SH3KBP1: variants seen among roughly 807,000 people sequenced by gnomAD.
SH3KBP1 encodes SH3 domain containing kinase binding protein 1.
SH3KBP1 carries 8 observed loss-of-function variants against 50.1 expected under a neutral mutation model. That is an observed-to-expected ratio of 0.16 (90% CI 0.09 to 0.29). The LOEUF is 0.29. SH3KBP1 is among the 10% of genes least tolerant of loss of function. The probability of loss-of-function intolerance (pLI) is 1.00; values close to 1 mark genes in which losing one functional copy is unlikely to be tolerated. For missense variants in SH3KBP1, 377 were observed against 535.2 expected (o/e 0.70, Z 2.92); for synonymous variants, 227 against 218.6 (o/e 1.04, Z -0.34).
At chrX:19,775,227 CTCA>C (rs1293653279) in intron 2 of SH3KBP1, among the ~76,000 whole-genome samples, 1 of 111,673 alleles carries the variant, frequency 9.0e-6, no homozygotes. Context: ...TTCCATCAGC[CTCA>C]CTGAGGTAAA....
At chrX:19,755,618 C>T (rs1027417885) in intron 2 of SH3KBP1, among the ~76,000 whole-genome samples, 11 of 111,108 alleles carry the variant, frequency 9.9e-5, no homozygotes, top group African/African-American at 3.6e-4. Flanking sequence ...ACTGCATTCA[C>T]GATGAGAGAA....
chrX:19,885,342 T>C (rs889966986), intron 1 of SH3KBP1, among the ~76,000 whole-genome samples: 1 of 111,646 alleles, frequency 9.0e-6, no homozygotes, highest in African/African-American at 3.3e-5. Flanking sequence ...CAAACTACTA[T>C]AAGCACCTTA....
chrX:19,816,362 G>C (rs2067354861), intron 2 of SH3KBP1, among the ~76,000 whole-genome samples: 1 of 101,471 alleles, frequency 9.9e-6, no homozygotes. Context: ...AGATTGTTTT[G>C]GTTTCTTACT....
At chrX:19,592,502 G>T (rs555536720) in intron 10 of SH3KBP1, among the ~76,000 whole-genome samples, 16 of 111,363 alleles carry the variant, frequency 1.4e-4, no homozygotes, top group African/African-American at 4.9e-4. Context: ...TACAAATAAG[G>T]GGCCACTGAA....
chrX:19,855,099 C>T (rs1005317772), intron 1 of SH3KBP1, among the ~76,000 whole-genome samples: 1 of 110,981 alleles, frequency 9.0e-6, no homozygotes, highest in East Asian at 2.8e-4. Flanking sequence ...TCTTCTGCCT[C>T]GGCCTCCTGA....
At chrX:19,777,601 G>C (rs954417403) in intron 2 of SH3KBP1, among the ~76,000 whole-genome samples, 8 of 111,441 alleles carry the variant, frequency 7.2e-5, no homozygotes, top group African/African-American at 2.0e-4. Flanking sequence ...TTCATTGGTG[G>C]AACAGGCACA....
chrX:19,791,444 G>A (rs1167222186), intron 2 of SH3KBP1, among the ~76,000 whole-genome samples: 1 of 109,594 alleles, frequency 9.1e-6, no homozygotes, highest in African/African-American at 3.3e-5. Context: ...AAAGCTACTT[G>A]GCTCACACAT....
chrX:19,618,404 A>C (rs1251027641), intron 8 of SH3KBP1, among the ~76,000 whole-genome samples: 2 of 107,411 alleles, frequency 1.9e-5, no homozygotes, highest in South Asian at 4.1e-4. Context: ...AAAAAAAAAA[A>C]AAAAAACAGT....
At chrX:19,612,576 T>C (rs2067464320) in intron 8 of SH3KBP1, among the ~76,000 whole-genome samples, 1 of 111,903 alleles carries the variant, frequency 8.9e-6, no homozygotes, top group Non-Finnish European at 1.9e-5. Context: ...TCAGTTTATT[T>C]ACTGAGAACC....
At chrX:19,591,449 A>G (rs953560827) in intron 11 of SH3KBP1, among the ~76,000 whole-genome samples, 4 of 110,926 alleles carry the variant, frequency 3.6e-5, no homozygotes, top group Non-Finnish European at 5.7e-5. Flanking sequence ...CAGGACACAC[A>G]TTAACCTACT....
At chrX:19,582,835 T>C (rs1490422402) in intron 12 of SH3KBP1, among the ~76,000 whole-genome samples, 1 of 111,740 alleles carries the variant, frequency 8.9e-6, no homozygotes, top group Non-Finnish European at 1.9e-5. Context: ...GACTAATCCT[T>C]ATGCCTTGGG....
At chrX:19,638,285 C>T (rs974320663) in intron 7 of SH3KBP1, among the ~76,000 whole-genome samples, 1 of 108,531 alleles carries the variant, frequency 9.2e-6, no homozygotes, top group African/African-American at 3.4e-5. Context: ...TGGCGGGCGT[C>T]TGTAGTCCCA....
intron 15 of SH3KBP1, among the ~76,000 whole-genome samples, chrX:19,543,279 C>G (rs972369490): frequency 5.4e-5 from 6 of 111,332 alleles, no homozygotes; most frequent in Non-Finnish European, 9.4e-5. Flanking sequence ...CACCAGGCAT[C>G]GAGATTGTAC....
intron 5 of SH3KBP1, among the ~76,000 whole-genome samples, chrX:19,688,058 A>G (rs1403585830): frequency 8.9e-6 from 1 of 112,378 alleles, no homozygotes; most frequent in East Asian, 2.8e-4. Flanking sequence ...TGGACTCCTT[A>G]ATTAACTCAA....
In SH3KBP1 at chrX:19,655,114, C is replaced by A. The variant is rs1265402314; in HGVS notation, c.727-9639G>T. ...GTGGGACACACAGACTGACATGTATCCCACACTTGCTCATGACATTTCTAT... is the reference window on the plus strand; with the variant it reads ...GTGGGACACACAGACTGACATGTATACCACACTTGCTCATGACATTTCTAT... On this transcript the variant is annotated intron_variant, in intron 6 of 17. Coordinates refer to ENST00000397821, the MANE Select transcript of SH3KBP1 (RefSeq NM_031892.3). Among the ~76,000 whole-genome samples, 3 of 112,127 alleles carry A rather than the reference C, an allele frequency of 2.7e-5. No homozygotes were observed. In the East Asian group the frequency reaches 8.4e-4, roughly 31 times the overall value.
intron 14 of SH3KBP1, among the ~76,000 whole-genome samples, chrX:19,547,812 G>A (rs1189138270): frequency 1.8e-5 from 2 of 112,086 alleles, no homozygotes; most frequent in African/African-American, 6.5e-5. Flanking sequence ...TGGCCTTTGA[G>A]GAATACGCCC....
chrX:19,854,208 T>A (rs1239326262), intron 1 of SH3KBP1, among the ~76,000 whole-genome samples: 3 of 110,322 alleles, frequency 2.7e-5, no homozygotes, highest in Non-Finnish European at 5.7e-5. Flanking sequence ...CTCTGCCTCC[T>A]GGGTTCAAGC....
At chrX:19,676,585 C>A (rs1449723145) in intron 6 of SH3KBP1, among the ~76,000 whole-genome samples, 2 of 110,595 alleles carry the variant, frequency 1.8e-5, no homozygotes, top group Non-Finnish European at 3.8e-5. Context: ...ATGCCTGTAT[C>A]AAAACATCTC....
At chrX:19,772,643 G>C (rs969856887) in intron 2 of SH3KBP1, among the ~76,000 whole-genome samples, 3 of 111,647 alleles carry the variant, frequency 2.7e-5, no homozygotes, top group African/African-American at 9.8e-5. Context: ...TTCTGCAGTA[G>C]AGAAAGTCAA....
Sources: gnomAD v4.1 joint callset for allele counts (sites outside exome capture counted in the v4.1 genomes callset) on GRCh38, gnomAD v4.1.1 for gene constraint, MANE v1.5 for transcripts, NCBI Gene and HGNC (gene_info 2026-07-23, HGNC 2026-07-21) for gene names.